The following FAT3 variants were observed in gnomAD, a reference collection of about 807,000 sequenced individuals.
The protein encoded by FAT3 is FAT atypical cadherin 3.
FAT3 carries 95 observed loss-of-function variants against 310.2 expected under a neutral mutation model. The observed-to-expected ratio is 0.31, with a 90% CI of 0.26 to 0.36. The LOEUF is 0.36. Ranked by LOEUF, FAT3 falls within the 10% of genes least tolerant of loss-of-function variation. The pLI is 1.00. For synonymous variants in FAT3, 2,314 were observed against 2,192.9 expected (o/e 1.06, Z -1.54); for missense variants, 5,408 against 5,715.6 (o/e 0.95, Z 1.74).
intron 2 of FAT3, among the ~76,000 whole-genome samples, chr11:92,499,405 T>C (rs996789484): frequency 9.9e-5 from 15 of 152,102 alleles, no homozygotes; most frequent in African/African-American, 3.6e-4. Flanking sequence ...TAAAGATTAA[T>C]TAAAAGTGAT....
At chr11:92,747,213 C>G (rs1159650215) in intron 4 of FAT3, among the ~76,000 whole-genome samples, 1 of 152,246 alleles carries the variant, frequency 6.6e-6, no homozygotes, top group Non-Finnish European at 1.5e-5. Flanking sequence ...TCCATACATC[C>G]TCTGAAATCT....
intron 3 of FAT3, among the ~76,000 whole-genome samples, chr11:92,582,383 C>G (rs1390476130): frequency 6.6e-6 from 1 of 151,884 alleles, no homozygotes; most frequent in Non-Finnish European, 1.5e-5. Flanking sequence ...TCTGACACTG[C>G]TAGATAAAAT....
chr11:92,894,208 C>G lies in FAT3; in HGVS notation c.*3095C>G, dbSNP rs1456801709. The stretch of plus-strand genomic sequence containing the variant: ...CCCTAGGGAGAGGGGTTATAGAATT[C>G]ATACATTTCTGTAGACATTCATCGA... On this transcript the variant is annotated 3_prime_UTR_variant, in exon 28 of 28. Transcript: ENST00000525166. The G allele has an allele frequency of 6.6e-6, 1 of 152,300 alleles. No homozygotes were observed. Among genetic ancestry groups the G allele is most frequent in the East Asian group, 1.9e-4 (1 of 5,192 alleles). The allele number at this position is 152,300 out of a possible 1,614,324, so 9.4% of individuals were successfully genotyped here.
chr11:92,377,104 A>G (rs1403990056), intron 2 of FAT3, among the ~76,000 whole-genome samples: 1 of 152,182 alleles, frequency 6.6e-6, no homozygotes, highest in Non-Finnish European at 1.5e-5. Flanking sequence ...TACGTGTAAG[A>G]CTAGGAAGAA....
At chr11:92,459,499 T>C (rs1255344373) in intron 2 of FAT3, among the ~76,000 whole-genome samples, 1 of 152,214 alleles carries the variant, frequency 6.6e-6, no homozygotes, top group Admixed American at 6.5e-5. Context: ...CCTACTTGTG[T>C]ACCTACCTTC....
chr11:92,536,557 G>A (rs1400568815), intron 3 of FAT3, among the ~76,000 whole-genome samples: 1 of 151,992 alleles, frequency 6.6e-6, no homozygotes, highest in Non-Finnish European at 1.5e-5. Flanking sequence ...TATTTTAAAG[G>A]GTATTTTGCA....
intron 22 of FAT3, among the ~76,000 whole-genome samples, chr11:92,879,074 A>G (rs1949611248): frequency 6.6e-6 from 1 of 152,166 alleles, no homozygotes; most frequent in Admixed American, 6.5e-5. Flanking sequence ...AACAAGTTAC[A>G]TACAAACTCC....
chr11:92,443,947 A>G (rs984592743), intron 2 of FAT3, among the ~76,000 whole-genome samples: 1 of 152,156 alleles, frequency 6.6e-6, no homozygotes, highest in South Asian at 2.1e-4. Flanking sequence ...AAAACACCCC[A>G]GTGGGAGAAC....
Position 92,482,499 on chromosome 11 carries a change from G to A in FAT3, c.3293-42135G>A, listed in dbSNP as rs560405479. On this transcript the variant is annotated intron_variant, in intron 2 of 27. Coordinates refer to ENST00000525166, the MANE Select transcript of FAT3 (RefSeq NM_001367949.2). Reference sequence around the variant, plus strand: ...TAAAAAGATTAAATTGCTCCCCAAAGTCATCTAGCAGGTGAGAAACTAAAT... The same window carrying A: ...TAAAAAGATTAAATTGCTCCCCAAAATCATCTAGCAGGTGAGAAACTAAAT... Among the ~76,000 whole-genome samples the A allele has an allele frequency of 3.8e-3, 576 of 152,248 alleles. 7 individuals carry two copies. The highest frequency in any genetic ancestry group is 0.01 in the Middle Eastern group (3 of 294).
At chr11:92,672,971 T>TA (rs1391719016) in intron 3 of FAT3, among the ~76,000 whole-genome samples, 1 of 152,224 alleles carries the variant, frequency 6.6e-6, no homozygotes, top group Non-Finnish European at 1.5e-5. Flanking sequence ...GACCATCTGG[T>TA]AGTGATATTG....
In FAT3 at chr11:92,809,961, G is replaced by T. The variant is rs753065708; in HGVS notation, c.9366G>T (p.Glu3122Asp). The T allele has an allele frequency of 6.2e-7, 1 of 1,613,812 alleles. No individual in the cohort carries two copies. Among genetic ancestry groups the T allele is most frequent in the Non-Finnish European group, 8.5e-7 (1 of 1,179,842 alleles). Residue 3122 changes from glutamate (E) to aspartate (D), a missense_variant, in exon 13 of 28, where the codon GAG becomes GAT. This residue lies in a region of FAT3 where 4,588 missense variants were observed against 4,809.8 expected (regional missense o/e 0.95). Coordinates refer to ENST00000525166, the MANE Select transcript of FAT3 (RefSeq NM_001367949.2). The part of the protein sequence containing the change: ...FCQSNIHLIL[E>D]DVNDNPPVFS... ...AGTCCAACATCCACCTAATCCTGGA[G>T]GATGTGAATGATAACCCCCCTGTGT...
rs757425400 is a variant in FAT3 at position 92,353,647 on chromosome 11, C to T, written c.1535C>T (p.Ala512Val). The change falls in exon 2 of 28, where the codon GCT (alanine) becomes GTT (valine). Residue 512 changes from alanine to valine, a missense_variant. By Grantham distance (64) the Ala-to-Val change is moderately conservative. This residue lies in a region of FAT3 where 4,588 missense variants were observed against 4,809.8 expected (regional missense o/e 0.95). Coordinates refer to ENST00000525166, the MANE Select transcript of FAT3 (RefSeq NM_001367949.2). ...AATGGGTACATCACCTATAGTATCG[C>T]TAGCCTGAATTTGTTACCATTTGTC... ...GENGYITYSI[A>V]SLNLLPFVIN... is the part of the protein sequence containing the mutation. 1.2e-6 allele frequency: 2 copies of T among 1,613,860 alleles called. No homozygotes were observed. The highest frequency in any genetic ancestry group is 1.1e-5 in the South Asian group (1 of 91,082).
chr11:92,465,308 A>G (rs1465107501), intron 2 of FAT3, among the ~76,000 whole-genome samples: 4 of 152,216 alleles, frequency 2.6e-5, no homozygotes, highest in African/African-American at 9.6e-5. Context: ...AAGCCAATGC[A>G]ATTATCAGAA....
At chr11:92,589,176 C>T (rs1022847476) in intron 3 of FAT3, among the ~76,000 whole-genome samples, 1 of 152,028 alleles carries the variant, frequency 6.6e-6, no homozygotes, top group African/African-American at 2.4e-5. Flanking sequence ...GAAAGGAACT[C>T]CAGGGCACAT....
At chr11:92,705,163 C>A (rs1167626529) in intron 4 of FAT3, among the ~76,000 whole-genome samples, 1 of 152,194 alleles carries the variant, frequency 6.6e-6, no homozygotes, top group Non-Finnish European at 1.5e-5. Flanking sequence ...ATGCTTCTTG[C>A]CCAGGAACAA....
chr11:92,668,315 C>A (rs560153353), intron 3 of FAT3, among the ~76,000 whole-genome samples: 14 of 152,324 alleles, frequency 9.2e-5, no homozygotes, highest in African/African-American at 3.1e-4. Flanking sequence ...TCAATACCTT[C>A]TATGTATTCT....
intron 4 of FAT3, among the ~76,000 whole-genome samples, chr11:92,729,923 A>G (rs556563882): frequency 2.0e-5 from 3 of 152,332 alleles, no homozygotes; most frequent in Admixed American, 6.5e-5. Context: ...CTATGCTCAG[A>G]ATCTATGAGA....
At chr11:92,884,651 A>C (rs1591855155) in intron 24 of FAT3, among the ~76,000 whole-genome samples, 3 of 152,232 alleles carry the variant, frequency 2.0e-5, no homozygotes, top group Non-Finnish European at 4.4e-5. Context: ...GGATATTCCT[A>C]CTGATATCTT....
At chr11:92,546,498 G>A (rs1381539320) in intron 3 of FAT3, among the ~76,000 whole-genome samples, 5 of 152,194 alleles carry the variant, frequency 3.3e-5, no homozygotes, top group East Asian at 3.9e-4. Flanking sequence ...AAAGAAGTAA[G>A]AAGGGAGGTT....
Sources: gnomAD v4.1 joint callset for allele counts (sites outside exome capture counted in the v4.1 genomes callset) on GRCh38, gnomAD v4.1.1 for gene constraint, gnomAD v4.1.1 regional missense constraint, MANE v1.5 for transcripts, NCBI Gene and HGNC (gene_info 2026-07-23, HGNC 2026-07-21) for gene names.